PEAK1: variants seen among roughly 807,000 people sequenced by gnomAD.
The protein encoded by PEAK1 is inactive tyrosine-protein kinase PEAK1.
PEAK1 carries 54 observed loss-of-function variants against 124.7 expected under a neutral mutation model. That is an observed-to-expected ratio of 0.43 (90% CI 0.35 to 0.54). The LOEUF is 0.54. Ranked by LOEUF, PEAK1 falls within the 20% of genes least tolerant of loss-of-function variation. The pLI, the probability that PEAK1 is intolerant of heterozygous loss-of-function variation, is 0.01. For missense variants in PEAK1, 2,046 were observed against 2,134.5 expected (o/e 0.96, Z 0.82); for synonymous variants, 719 against 760.0 (o/e 0.95, Z 0.89).
intron 7 of PEAK1, among the ~76,000 whole-genome samples, chr15:77,163,212 C>G (rs1200481223): frequency 3.3e-5 from 5 of 152,216 alleles, no homozygotes; most frequent in African/African-American, 9.6e-5. Flanking sequence ...CTTCAACCAA[C>G]TTTCCATTAA....
At chr15:77,240,428 T>C (rs1265277029) in intron 6 of PEAK1, among the ~76,000 whole-genome samples, 1 of 151,840 alleles carries the variant, frequency 6.6e-6, no homozygotes, top group Non-Finnish European at 1.5e-5. Flanking sequence ...AAGACAAGCC[T>C]GGGCAACACA....
chr15:77,337,399 T>A (rs2066269180), intron 2 of PEAK1: 1 of 949,246 alleles, frequency 1.1e-6, no homozygotes, highest in South Asian at 4.9e-5. Context: ...ATTATAATAA[T>A]GTAAAGTAAC....
chr15:77,287,061 C>T (rs2062968137), intron 2 of PEAK1, among the ~76,000 whole-genome samples: 1 of 151,934 alleles, frequency 6.6e-6, no homozygotes, highest in Non-Finnish European at 1.5e-5. Context: ...TTGGCAGACT[C>T]TGTTCTTGAG....
intron 2 of PEAK1, among the ~76,000 whole-genome samples, chr15:77,323,628 T>A (rs979320812): frequency 8.5e-5 from 13 of 152,150 alleles, no homozygotes; most frequent in Admixed American, 2.6e-4. Flanking sequence ...TCAATGAAAT[T>A]AAAGAGGATA....
At chr15:77,315,625 AAAAAT>A (rs149228463) in intron 2 of PEAK1, among the ~76,000 whole-genome samples, 1,587 of 151,872 alleles carry the variant, frequency 0.01, 15 homozygotes, top group South Asian at 0.031. Context: ...TAAAAAAAAT[AAAAAT>A]AAAATAAAAA....
intron 6 of PEAK1, among the ~76,000 whole-genome samples, chr15:77,241,611 G>T (rs188029683): frequency 6.6e-6 from 1 of 151,732 alleles, no homozygotes; most frequent in African/African-American, 2.4e-5. Context: ...GAATTAATAC[G>T]TATTTTAAGA....
At chr15:77,348,919 G>A in intron 2 of PEAK1, 1 of 950,890 alleles carries the variant, frequency 1.1e-6, no homozygotes. Context: ...TGGGATTATA[G>A]GCATGACTTA....
chr15:77,402,980 T>A, intron 1 of PEAK1: 1 of 985,414 alleles, frequency 1.0e-6, no homozygotes, highest in Non-Finnish European at 1.2e-6. Flanking sequence ...TGGGTAGACA[T>A]TATTTGCTCT....
chr15:77,141,662 C>T (rs2053796124), intron 8 of PEAK1, among the ~76,000 whole-genome samples: 1 of 152,086 alleles, frequency 6.6e-6, no homozygotes, highest in African/African-American at 2.4e-5. Flanking sequence ...GTACGTGGTA[C>T]TGGCGTAAGA....
intron 6 of PEAK1, among the ~76,000 whole-genome samples, chr15:77,211,417 C>A (rs2058898539): frequency 6.6e-6 from 1 of 152,050 alleles, no homozygotes; most frequent in South Asian, 2.1e-4. Flanking sequence ...ACAGGTTCTA[C>A]GGCTCCACTA....
chr15:77,109,442 ATC>A lies in PEAK1; in HGVS notation c.*4712_*4713del, dbSNP rs1354626487. 1 of 152,288 alleles carries A rather than the reference ATC, an allele frequency of 6.6e-6. No homozygotes were observed. The highest frequency in any genetic ancestry group is 1.5e-5 in the Non-Finnish European group (1 of 68,028). 9.4% of individuals were successfully genotyped at this position (152,288 alleles called of 1,614,324 possible). ...TGTATGTGAACTCCCCTCCCACAGC[ATC>A]TGTCACAGCTCACCCTCATCATCTT... On this transcript the variant is annotated 3_prime_UTR_variant, in exon 10 of 10. Transcript: ENST00000682557.
intron 2 of PEAK1, chr15:77,333,824 T>C (rs2066033443): frequency 1.4e-6 from 1 of 730,766 alleles, no homozygotes; most frequent in Non-Finnish European, 1.7e-6. Flanking sequence ...AATCTTCTAA[T>C]ATATGGTGGT....
chr15:77,134,638 A>G (rs1240849125), intron 8 of PEAK1, among the ~76,000 whole-genome samples: 2 of 152,242 alleles, frequency 1.3e-5, no homozygotes, highest in African/African-American at 4.8e-5. Context: ...GGCTTATTGT[A>G]TAACAGAGAG....
intron 2 of PEAK1, among the ~76,000 whole-genome samples, chr15:77,358,673 CACAA>C (rs1312854657): frequency 3.3e-5 from 5 of 152,148 alleles, no homozygotes; most frequent in African/African-American, 7.2e-5. Flanking sequence ...GAGAAACATA[CACAA>C]ACAATCACAA....
intron 5 of PEAK1, among the ~76,000 whole-genome samples, chr15:77,280,036 G>A (rs953487037): frequency 3.9e-5 from 6 of 152,126 alleles, no homozygotes; most frequent in Admixed American, 6.6e-5. Flanking sequence ...AAAGCTCACA[G>A]AACTTATGTT....
intron 5 of PEAK1, among the ~76,000 whole-genome samples, chr15:77,273,663 A>G (rs1489639883): frequency 1.3e-5 from 2 of 152,242 alleles, no homozygotes; most frequent in Non-Finnish European, 2.9e-5. Context: ...TCCCATTTTC[A>G]TGGATGGGTA....
chr15:77,142,053 C>A (rs771895066), intron 8 of PEAK1, among the ~76,000 whole-genome samples: 2 of 152,108 alleles, frequency 1.3e-5, no homozygotes, highest in Non-Finnish European at 2.9e-5. Flanking sequence ...AAAAAGACAA[C>A]TCACAGAATG....
At chr15:77,311,626 T>C (rs972211186) in intron 2 of PEAK1, among the ~76,000 whole-genome samples, 6 of 143,708 alleles carry the variant, frequency 4.2e-5, no homozygotes, top group African/African-American at 1.6e-4. Context: ...CAAGCCAAGA[T>C]TGCACCACTG....
In PEAK1 at chr15:77,346,438, T is replaced by C. The variant is rs551823999; in HGVS notation, c.-603+18725A>G. 1.6e-5 allele frequency: 16 copies of C among 985,134 alleles called. No individual in the cohort carries two copies. In the East Asian group the frequency reaches 1.8e-3, roughly 112 times the overall value. The allele number at this position is 985,134 out of a possible 1,614,324, so 61.0% of individuals were successfully genotyped here. A position where few individuals can be genotyped will look rare whatever the true frequency, so the allele number is the denominator to read the frequency against. ...GCTAGGATGACAGTGATCAGTCCCT[T>C]GGGGGAGAGGCCAACTCAAGCAGGA... On this transcript the variant is annotated intron_variant, in intron 2 of 9. Coordinates refer to ENST00000682557, the MANE Select transcript of PEAK1 (RefSeq NM_001385026.1).
Sources: allele counts gnomAD v4.1 joint callset (sites outside exome capture counted in the v4.1 genomes callset), GRCh38; gene constraint gnomAD v4.1.1; transcripts MANE v1.5; gene names NCBI Gene and HGNC (gene_info 2026-07-23, HGNC 2026-07-21).